Variants in NTNG1 observed in about 807,000 individuals in gnomAD.
NTNG1 encodes netrin G1.
In NTNG1, 16 loss-of-function variants were observed where a neutral mutation model predicts 54.0. That is an observed-to-expected ratio of 0.30 (90% CI 0.20 to 0.45). NTNG1 has a LOEUF of 0.45. Among genes scored for constraint, NTNG1 ranks in the 20% least tolerant of loss-of-function variants. NTNG1 has a pLI of 1.00. For synonymous variants in NTNG1, 255 were observed against 263.1 expected (o/e 0.97, Z 0.30); for missense variants, 530 against 678.7 (o/e 0.78, Z 2.43).
chr1:107,341,576 T>C (rs1668897693), intron 3 of NTNG1, among the ~76,000 whole-genome samples: 1 of 152,052 alleles, frequency 6.6e-6, no homozygotes, highest in Non-Finnish European at 1.5e-5. Flanking sequence ...GATGGCCTAC[T>C]TTGACATTTT....
intron 7 of NTNG1, among the ~76,000 whole-genome samples, chr1:107,471,681 A>G (rs1469204044): frequency 6.6e-6 from 1 of 152,244 alleles, no homozygotes; most frequent in Non-Finnish European, 1.5e-5. Context: ...AGTTGAATAC[A>G]AATATTTGAG....
At chr1:107,199,089 G>A (rs958010340) in intron 2 of NTNG1, among the ~76,000 whole-genome samples, 3 of 151,560 alleles carry the variant, frequency 2.0e-5, no homozygotes, top group Non-Finnish European at 4.4e-5. Context: ...GAAATTTCTT[G>A]ATATAGTGCT....
chr1:107,298,090 T>C (rs1357401455), intron 2 of NTNG1, among the ~76,000 whole-genome samples: 2 of 152,128 alleles, frequency 1.3e-5, no homozygotes, highest in African/African-American at 4.8e-5. Flanking sequence ...AACTCAGTCA[T>C]GAAGATAAAA....
chr1:107,245,057 T>G (rs1662100681), intron 2 of NTNG1, among the ~76,000 whole-genome samples: 1 of 152,154 alleles, frequency 6.6e-6, no homozygotes, highest in Non-Finnish European at 1.5e-5. Flanking sequence ...TTCTCGGAAC[T>G]GTATCAAAAA....
intron 7 of NTNG1, among the ~76,000 whole-genome samples, chr1:107,445,474 C>T (rs1031371428): frequency 6.6e-6 from 1 of 152,074 alleles, no homozygotes; most frequent in Non-Finnish European, 1.5e-5. Context: ...GTGTCGGGAA[C>T]ATGTATGCAT....
At chr1:107,164,307 C>G (rs1407752836) in intron 2 of NTNG1, among the ~76,000 whole-genome samples, 1 of 152,126 alleles carries the variant, frequency 6.6e-6, no homozygotes, top group Non-Finnish European at 1.5e-5. Flanking sequence ...GCAGGCCTCA[C>G]AATTATAACT....
intron 2 of NTNG1, among the ~76,000 whole-genome samples, chr1:107,247,500 T>A (rs1440729147): frequency 6.6e-6 from 1 of 152,196 alleles, no homozygotes; most frequent in Admixed American, 6.5e-5. Flanking sequence ...ATAACGTCTT[T>A]CAGTGTGTGT....
At chr1:107,376,264 T>C (rs368584931) in intron 3 of NTNG1, among the ~76,000 whole-genome samples, 56 of 152,010 alleles carry the variant, frequency 3.7e-4, no homozygotes, top group South Asian at 4.2e-4. Flanking sequence ...AGAAATTAGC[T>C]GGGCGCGGTG....
intron 5 of NTNG1, among the ~76,000 whole-genome samples, chr1:107,413,013 G>A (rs1050042255): frequency 3.3e-5 from 5 of 152,100 alleles, no homozygotes; most frequent in African/African-American, 1.2e-4. Context: ...GTTTAATGAT[G>A]GTGTGTTTCT....
intron 2 of NTNG1, among the ~76,000 whole-genome samples, chr1:107,218,116 A>G (rs935513356): frequency 6.6e-6 from 1 of 152,114 alleles, no homozygotes; most frequent in Non-Finnish European, 1.5e-5. Context: ...TAATTGTTTT[A>G]TAAATTCGGG....
intron 2 of NTNG1, among the ~76,000 whole-genome samples, chr1:107,236,628 C>A (rs1029182913): frequency 1.3e-5 from 2 of 152,168 alleles, no homozygotes; most frequent in Non-Finnish European, 1.5e-5. Flanking sequence ...CTTCAATTCC[C>A]ATGTGTTGTG....
intron 7 of NTNG1, among the ~76,000 whole-genome samples, chr1:107,470,240 A>G (rs189002725): frequency 6.6e-6 from 1 of 152,256 alleles, no homozygotes; most frequent in East Asian, 1.9e-4. Context: ...ATGTGATTAC[A>G]TAATTCATTT....
chr1:107,302,390 T>C (rs919569229), intron 2 of NTNG1, among the ~76,000 whole-genome samples: 2 of 152,142 alleles, frequency 1.3e-5, no homozygotes, highest in Non-Finnish European at 2.9e-5. Context: ...GTCCCCACTT[T>C]GTTCTCCATT....
chr1:107,265,488 G>T (rs564204902), intron 2 of NTNG1, among the ~76,000 whole-genome samples: 2 of 152,268 alleles, frequency 1.3e-5, no homozygotes, highest in South Asian at 4.1e-4. Flanking sequence ...CAGAATATAA[G>T]CACTGAAAAT....
intron 5 of NTNG1, among the ~76,000 whole-genome samples, chr1:107,419,020 G>A (rs1674404252): frequency 6.6e-6 from 1 of 151,998 alleles, no homozygotes; most frequent in Admixed American, 6.6e-5. Flanking sequence ...TGGTACCTCA[G>A]TTGTACTGAG....
intron 2 of NTNG1, among the ~76,000 whole-genome samples, chr1:107,168,909 CT>C (rs1238506908): frequency 6.6e-6 from 1 of 152,124 alleles, no homozygotes; most frequent in Non-Finnish European, 1.5e-5. Flanking sequence ...CTGAAATTTG[CT>C]GAAGCCATTA....
chr1:107,419,411 A>G (rs1319600365), intron 5 of NTNG1, among the ~76,000 whole-genome samples: 1 of 44,212 alleles, frequency 2.3e-5, no homozygotes. Context: ...GTCAAAGAAG[A>G]AAAAGAAAAA....
chr1:107,319,642 C>G (rs1667531800), intron 2 of NTNG1, among the ~76,000 whole-genome samples: 1 of 152,042 alleles, frequency 6.6e-6, no homozygotes, highest in African/African-American at 2.4e-5. Context: ...CTGTGTCATT[C>G]TTTTTTCATG....
At chr1:107,238,443 G>T (rs1003596111) in intron 2 of NTNG1, among the ~76,000 whole-genome samples, 16 of 152,290 alleles carry the variant, frequency 1.1e-4, no homozygotes, top group African/African-American at 3.8e-4. Context: ...TTTGGGGACT[G>T]TTGGGAAGGC....
Sources: allele counts gnomAD v4.1 joint callset (sites outside exome capture counted in the v4.1 genomes callset), GRCh38; gene constraint gnomAD v4.1.1; transcripts MANE v1.5; gene names NCBI Gene and HGNC (gene_info 2026-07-23, HGNC 2026-07-21).